RAD51B: variants seen among roughly 807,000 people sequenced by gnomAD.
The protein encoded by RAD51B is RAD51 paralog B.
RAD51B carries 38 observed loss-of-function variants against 42.2 expected under a neutral mutation model. The observed-to-expected ratio is 0.90, with a 90% CI of 0.70 to 1.18. The LOEUF (loss-of-function observed/expected upper bound fraction) is 1.18, where lower values mean the gene tolerates loss of function less well. Ranked by LOEUF, RAD51B falls within the 50% of genes most tolerant of loss-of-function variation. The probability of loss-of-function intolerance (pLI) is 0.00; values close to 1 mark genes in which losing one functional copy is unlikely to be tolerated. For synonymous variants in RAD51B, 154 were observed against 145.2 expected (o/e 1.06, Z -0.43); for missense variants, 373 against 400.7 (o/e 0.93, Z 0.59).
chr14:68,105,340 G>A lies in RAD51B; in HGVS notation c.757-186544G>A, dbSNP rs554309986. Among the ~76,000 whole-genome samples the A allele has an allele frequency of 9.9e-5, 15 of 151,812 alleles. No homozygotes were observed. The East Asian group carries it at 2.9e-3, about 29-fold the overall frequency. On this transcript the variant is annotated intron_variant, in intron 7 of 10. Coordinates refer to ENST00000471583, the MANE Select transcript of RAD51B (RefSeq NM_133510.4). ...AGCTCCTAGGTTCTCTGGTTACTTT[G>A]TTATCGTCATAAAATGATAATTTAA...
At chr14:68,032,495 C>T (rs920288076) in intron 7 of RAD51B, among the ~76,000 whole-genome samples, 1 of 152,178 alleles carries the variant, frequency 6.6e-6, no homozygotes, top group Non-Finnish European at 1.5e-5. Context: ...TATCATGGCT[C>T]AAATCAGAAA....
intron 7 of RAD51B, among the ~76,000 whole-genome samples, chr14:68,091,086 T>C (rs916807658): frequency 2.0e-5 from 3 of 152,152 alleles, no homozygotes; most frequent in Non-Finnish European, 4.4e-5. Context: ...CACATTTTCT[T>C]AATCCAGTCT....
At chr14:68,645,610 T>A (rs1181669976) in intron 10 of RAD51B, among the ~76,000 whole-genome samples, 1 of 152,228 alleles carries the variant, frequency 6.6e-6, no homozygotes, top group Non-Finnish European at 1.5e-5. Context: ...CATTTTAAAT[T>A]CCCACCAATA....
At chr14:68,219,493 C>G (rs910775991) in intron 7 of RAD51B, among the ~76,000 whole-genome samples, 1 of 152,142 alleles carries the variant, frequency 6.6e-6, no homozygotes, top group South Asian at 2.1e-4. Context: ...GGCTGCAAGA[C>G]CTGAAGACAG....
At chr14:68,158,299 C>T (rs1003671607) in intron 7 of RAD51B, among the ~76,000 whole-genome samples, 9 of 152,218 alleles carry the variant, frequency 5.9e-5, no homozygotes, top group African/African-American at 2.2e-4. Flanking sequence ...ATGCCTGTGG[C>T]ACTATGGACT....
intron 7 of RAD51B, among the ~76,000 whole-genome samples, chr14:67,920,569 G>A (rs1376356876): frequency 2.0e-5 from 3 of 152,014 alleles, no homozygotes; most frequent in African/African-American, 4.8e-5. Context: ...AGGAGAAAAA[G>A]GTAATCTAAA....
At chr14:68,243,875 G>A (rs2080441337) in intron 7 of RAD51B, among the ~76,000 whole-genome samples, 1 of 151,996 alleles carries the variant, frequency 6.6e-6, no homozygotes, top group South Asian at 2.1e-4. Context: ...ATGTTGATTT[G>A]TAATGAACAG....
intron 7 of RAD51B, among the ~76,000 whole-genome samples, chr14:68,051,124 G>A (rs982857277): frequency 1.7e-4 from 25 of 151,424 alleles, no homozygotes; most frequent in African/African-American, 6.0e-4. Flanking sequence ...AAACTAAAAG[G>A]GAAAGTTACC....
chr14:67,856,191 C>T (rs1210104360), intron 4 of RAD51B, among the ~76,000 whole-genome samples: 8 of 152,168 alleles, frequency 5.3e-5, no homozygotes, highest in Admixed American at 4.6e-4. Flanking sequence ...TACTCTTCCT[C>T]TCTCCCTTCC....
At chr14:68,405,688 A>G (rs2084251212) in intron 8 of RAD51B, among the ~76,000 whole-genome samples, 1 of 152,032 alleles carries the variant, frequency 6.6e-6, no homozygotes, top group African/African-American at 2.4e-5. Context: ...AACCAAATAC[A>G]TGGGTACTTT....
At chr14:68,447,925 C>T (rs2085460257) in intron 9 of RAD51B, among the ~76,000 whole-genome samples, 1 of 152,180 alleles carries the variant, frequency 6.6e-6, no homozygotes, top group African/African-American at 2.4e-5. Context: ...GAAATGTGGT[C>T]ATTTAGCAAG....
chr14:68,070,983 G>A (rs908717455), intron 7 of RAD51B, among the ~76,000 whole-genome samples: 31 of 152,066 alleles, frequency 2.0e-4, no homozygotes, highest in African/African-American at 7.5e-4. Flanking sequence ...AATTCTTGTT[G>A]AGAGATCTTT....
At chr14:68,322,490 T>A (rs1016846292) in intron 8 of RAD51B, among the ~76,000 whole-genome samples, 2 of 152,234 alleles carry the variant, frequency 1.3e-5, no homozygotes, top group African/African-American at 2.4e-5. Context: ...AGGTTTTTAT[T>A]TAAAAAGCCT....
At chr14:68,307,273 T>C (rs1196718748) in intron 8 of RAD51B, among the ~76,000 whole-genome samples, 4 of 152,160 alleles carry the variant, frequency 2.6e-5, no homozygotes, top group Non-Finnish European at 5.9e-5. Flanking sequence ...TCCTGAATGA[T>C]ATATTTCTTA....
chr14:68,456,673 C>G (rs1382643375), intron 9 of RAD51B, among the ~76,000 whole-genome samples: 1 of 151,960 alleles, frequency 6.6e-6, no homozygotes, highest in Non-Finnish European at 1.5e-5. Context: ...ATGGATAGGA[C>G]AACTGGACAG....
chr14:68,437,145 C>T (rs764922036), intron 9 of RAD51B, among the ~76,000 whole-genome samples: 1 of 152,162 alleles, frequency 6.6e-6, no homozygotes, highest in African/African-American at 2.4e-5. Context: ...ATGATGTTGG[C>T]TGTGGGTTTG....
At chr14:68,658,714 A>G (rs1473646807) in intron 11 of RAD51B, among the ~76,000 whole-genome samples, 2 of 152,176 alleles carry the variant, frequency 1.3e-5, no homozygotes, top group Non-Finnish European at 2.9e-5. Context: ...CCACCAGATC[A>G]TCATCATCCT....
At chr14:67,857,486 A>G (rs949747139) in intron 4 of RAD51B, among the ~76,000 whole-genome samples, 3 of 152,200 alleles carry the variant, frequency 2.0e-5, no homozygotes, top group African/African-American at 7.2e-5. Context: ...TTCTTTAAAG[A>G]TAGAATAGTA....
chr14:68,465,951 A>AAATAAATAAAT (rs58775455), intron 9 of RAD51B, among the ~76,000 whole-genome samples: 113 of 90,506 alleles, frequency 1.2e-3, no homozygotes, highest in African/African-American at 3.4e-3. Context: ...AAAAAAAAAA[A>AAATAAATAAAT]AAATAAATAA....
Sources: gnomAD v4.1 joint callset for allele counts (sites outside exome capture counted in the v4.1 genomes callset) on GRCh38, gnomAD v4.1.1 for gene constraint, MANE v1.5 for transcripts, NCBI Gene and HGNC (gene_info 2026-07-23, HGNC 2026-07-21) for gene names.